Variants in TTC39A observed in about 807,000 individuals in gnomAD.
TTC39A encodes tetratricopeptide repeat domain 39A, also known as tetratricopeptide repeat protein 39A.
A neutral mutation model predicts 82.3 loss-of-function variants in TTC39A; 46 were observed. The observed-to-expected ratio is 0.56, with a 90% CI of 0.44 to 0.71. The LOEUF (loss-of-function observed/expected upper bound fraction) is 0.71, where lower values mean the gene tolerates loss of function less well. Among genes scored for constraint, TTC39A ranks in the 30% least tolerant of loss-of-function variants. TTC39A has a pLI of 0.00. For synonymous variants in TTC39A, 254 were observed against 275.2 expected (o/e 0.92, Z 0.76); for missense variants, 543 against 712.9 (o/e 0.76, Z 2.71).
chr1:51,293,914 G>C (rs1002646966), intron 14 of TTC39A, among the ~76,000 whole-genome samples: 1 of 152,256 alleles, frequency 6.6e-6, no homozygotes, highest in East Asian at 1.9e-4. Context: ...GTTGATGTGA[G>C]TCTCAAATCA....
upstream of TTC39A, among the ~76,000 whole-genome samples, chr1:51,335,703 G>A (rs374569348): frequency 3.3e-4 from 50 of 152,112 alleles, no homozygotes; most frequent in African/African-American, 8.7e-4. Flanking sequence ...GCCGTAGCTC[G>A]AACCCAGGTC....
intron 7 of TTC39A, 36 bp downstream of exon 7, chr1:51,305,941 A>G (rs751299784): frequency 6.2e-7 from 1 of 1,601,114 alleles, no homozygotes; most frequent in East Asian, 2.2e-5. Flanking sequence ...ACTGAGCTCA[A>G]GCCAGGTGCT....
chr1:51,289,301 C>A (rs1331041117), intron 16 of TTC39A, among the ~76,000 whole-genome samples: 1 of 152,240 alleles, frequency 6.6e-6, no homozygotes, highest in African/African-American at 2.4e-5. Context: ...GTCCTCCTTG[C>A]CCGGTACCCT....
chr1:51,332,647 A>G (rs1480480070), upstream of TTC39A, among the ~76,000 whole-genome samples: 14 of 152,206 alleles, frequency 9.2e-5, no homozygotes, highest in African/African-American at 2.2e-4. Flanking sequence ...CAGGCATTCT[A>G]CTGATGCTCA....
chr1:51,290,691 C>T, intron 14 of TTC39A, 66 bp from the exon 15 acceptor site: 1 of 1,321,712 alleles, frequency 7.6e-7, no homozygotes, highest in South Asian at 1.3e-5. Flanking sequence ...TTCCCATCTA[C>T]AAAATGGGCA....
intron 16 of TTC39A, among the ~76,000 whole-genome samples, chr1:51,289,373 AT>A (rs1161193456): frequency 6.6e-5 from 10 of 151,846 alleles, no homozygotes; most frequent in Non-Finnish European, 1.3e-4. Flanking sequence ...GGCCCTTCTC[AT>A]TCTATCCCTC....
At chr1:51,304,075 C>T (rs1644782109) in intron 8 of TTC39A, among the ~76,000 whole-genome samples, 2 of 152,200 alleles carry the variant, frequency 1.3e-5, no homozygotes, top group South Asian at 4.1e-4. Context: ...GAGAAATCCC[C>T]AGTCCTTTGC....
At position 51,288,874 on chromosome 1, in the gene TTC39A, T is replaced by C; in HGVS notation, c.1575A>G (p.Arg525=). Residue 525 remains arginine (R), a synonymous_variant, in exon 17 of 18, where the codon AGA becomes AGG. Coordinates refer to ENST00000680483, the MANE Select transcript of TTC39A (RefSeq NM_001297663.2). The surrounding 1 kb of genome is among the most constrained non-coding windows in gnomAD (Gnocchi z 4.8). ...CCAAAAGTTTGATGGCCTCTTCGTT[T>C]CTGTCTTGCTCCATAAGCAGCAGGG... The part of the protein sequence containing the change: ...ELALLLMEQD[R]NEEAIKLLES... 6.2e-7 allele frequency: 1 copy of C among 1,611,962 alleles called. No homozygotes were observed. Among genetic ancestry groups the C allele is most frequent in the Non-Finnish European group, 8.5e-7 (1 of 1,179,128 alleles).
chr1:51,341,089 A>G (rs937560249), intron 1 of TTC39A, among the ~76,000 whole-genome samples: 4 of 151,934 alleles, frequency 2.6e-5, no homozygotes, highest in African/African-American at 7.3e-5. Flanking sequence ...GAGAACCTGG[A>G]AGGTGGAGGT....
At position 51,302,497 on chromosome 1, in the gene TTC39A, G is replaced by A. The variant is rs1456611943; in HGVS notation, c.831+9C>T. 6.2e-7 allele frequency: 1 copy of A among 1,609,142 alleles called. No homozygotes were observed. Among genetic ancestry groups the A allele is most frequent in the African/African-American group, 1.3e-5 (1 of 74,832 alleles). ...GGGCTGGGGGTACCGGGCAGCACAT[G>A]GGGCTCACCTTAGGGTACCGGTTCA... On this transcript the variant is annotated intron_variant, in intron 10 of 17. Transcript: ENST00000680483.
rs530367566 is a variant in TTC39A, at chr1:51,314,901, G to A, written c.147-1958C>T. Among the ~76,000 whole-genome samples the A allele has an allele frequency of 9.2e-5, 14 of 152,308 alleles. No individual in the cohort carries two copies. In the East Asian group the frequency reaches 2.1e-3, roughly 23 times the overall value. ...CTTAAATAGAATACCCAGGCCAGGGGCCACTGCACCAAAGCTCGGTAAATA... is the reference window on the plus strand; with the variant it reads ...CTTAAATAGAATACCCAGGCCAGGGACCACTGCACCAAAGCTCGGTAAATA... On this transcript the variant is annotated intron_variant, in intron 2 of 17. Coordinates refer to ENST00000680483, the MANE Select transcript of TTC39A (RefSeq NM_001297663.2).
Position 51,312,916 on chromosome 1 carries a change from C to A in TTC39A, c.174G>T (p.Leu58=). The change falls in exon 3 of 18, where the codon CTG becomes CTT. Residue 58 remains leucine (L), a synonymous_variant. Coordinates refer to ENST00000680483, the MANE Select transcript of TTC39A (RefSeq NM_001297663.2). The part of the protein sequence containing the change: ...PRTKESMYHS[L]TYATILEMQA... ...GCATCTCCAGGATGGTGGCATATGT[C>A]AGTGAGTGGTACATGCTTTCCTTGG... 1 of 1,613,812 alleles carries A rather than the reference C, an allele frequency of 6.2e-7. No homozygotes were observed. The highest frequency in any genetic ancestry group is 1.1e-5 in the South Asian group (1 of 91,064).
chr1:51,311,155 G>GGGGGATGGGTCACAGTTGCTCTA, intron 5 of TTC39A, 99 bp downstream of exon 5: 2 of 1,160,418 alleles, frequency 1.7e-6, no homozygotes, highest in Non-Finnish European at 2.4e-6. Context: ...TGGTTGCTAT[G>GGGGGATGGGTCACAGTTGCTCTA]GGGGATGGGT....
rs1344484772 is a variant in TTC39A at position 51,288,318 on chromosome 1, T to G, written c.1611-38A>C. On this transcript the variant is annotated intron_variant, in intron 17 of 17. Coordinates refer to ENST00000680483, the MANE Select transcript of TTC39A (RefSeq NM_001297663.2). The surrounding 1 kb of genome is among the most constrained non-coding windows in gnomAD (Gnocchi z 4.8). ...AGCGAATCAGACACATGAGGCTGCCTGCTCCCAGAGATGCTTTTCCTCCTG... is the reference window on the plus strand; with the variant it reads ...AGCGAATCAGACACATGAGGCTGCCGGCTCCCAGAGATGCTTTTCCTCCTG... The G allele has an allele frequency of 1.2e-6, 2 of 1,613,282 alleles. No individual in the cohort carries two copies. Among genetic ancestry groups the G allele is most frequent in the South Asian group, 1.1e-5 (1 of 91,008 alleles).
chr1:51,302,702 G>A (rs1644719195), intron 9 of TTC39A, 129 bp from the exon 10 acceptor site: 1 of 996,842 alleles, frequency 1.0e-6, no homozygotes, highest in Non-Finnish European at 1.5e-6. Context: ...AATTCTCCCT[G>A]TCCCTAGGGT....
intron 6 of TTC39A, among the ~76,000 whole-genome samples, chr1:51,308,791 ATG>A (rs145881383): frequency 0.02 from 2,992 of 151,516 alleles, 87 homozygotes; most frequent in African/African-American, 0.067. Context: ...GTGTGTGTGT[ATG>A]TGTGTGTGTG....
chr1:51,345,088 G>C, exon 1 of TTC39A: 1 of 1,283,708 alleles, frequency 7.8e-7, no homozygotes, highest in Non-Finnish European at 9.8e-7. Context: ...GCCCCTCGCG[G>C]CGGCGGCGGC....
chr1:51,325,571 CA>C (rs1446674368), intron 1 of TTC39A, among the ~76,000 whole-genome samples: 1 of 152,162 alleles, frequency 6.6e-6, no homozygotes, highest in African/African-American at 2.4e-5. Flanking sequence ...ATTACCCCCC[CA>C]CACCTATTGC....
chr1:51,336,482 G>A (rs1292376204), intron 1 of TTC39A, among the ~76,000 whole-genome samples: 1 of 152,116 alleles, frequency 6.6e-6, no homozygotes, highest in African/African-American at 2.4e-5. Flanking sequence ...TGGTCTCTAG[G>A]AGCTGCTGAA....
Sources: allele counts gnomAD v4.1 joint callset (sites outside exome capture counted in the v4.1 genomes callset), GRCh38; gene constraint gnomAD v4.1.1; non-coding constraint Gnocchi (gnomAD v3.1); transcripts MANE v1.5; gene names NCBI Gene and HGNC (gene_info 2026-07-23, HGNC 2026-07-21).